Variants in SLC35A1 observed in about 807,000 individuals in gnomAD.
SLC35A1 encodes solute carrier family 35 member A1.
In SLC35A1, 21 loss-of-function variants were observed where a neutral mutation model predicts 40.3. The observed-to-expected ratio is 0.52, with a 90% CI of 0.37 to 0.75. The LOEUF (loss-of-function observed/expected upper bound fraction) is 0.75. Among genes scored for constraint, SLC35A1 ranks in the 30% least tolerant of loss-of-function variants. The probability of loss-of-function intolerance (pLI) is 0.00; values close to 1 mark genes in which losing one functional copy is unlikely to be tolerated. For missense variants in SLC35A1, 297 were observed against 382.1 expected, an observed-to-expected ratio of 0.78 and a Z score of 1.86; for synonymous variants, 146 against 147.3, an observed-to-expected ratio of 0.99 and a Z score of 0.06.
At chr6:87,510,867 G>A (rs544903346) in intron 7 of SLC35A1, among the ~76,000 whole-genome samples, 168 of 147,640 alleles carry the variant, frequency 1.1e-3, no homozygotes, top group Non-Finnish European at 2.2e-3. Flanking sequence ...GCGAAACTCC[G>A]TCTCAAAAAA....
Position 87,499,395 on chromosome 6 carries a change from A to C in SLC35A1, c.195-1113A>C, listed in dbSNP as rs149218845. Among the ~76,000 whole-genome samples, 340 of 152,330 alleles carry C rather than the reference A, an allele frequency of 2.2e-3. 1 individual carries two copies. The highest frequency in any genetic ancestry group is 8.0e-3 in the African/African-American group (333 of 41,588). Reference sequence around the variant, plus strand: ...ATCGTGAGCTGCAGTTAGGACCATTATTATAAAGCACTTCTTTTGGGGTAT... The same window carrying C: ...ATCGTGAGCTGCAGTTAGGACCATTCTTATAAAGCACTTCTTTTGGGGTAT... On this transcript the variant is annotated intron_variant, in intron 2 of 7. Transcript: ENST00000369552.
At chr6:87,490,649 G>T (rs1473070121) in intron 2 of SLC35A1, among the ~76,000 whole-genome samples, 1 of 152,126 alleles carries the variant, frequency 6.6e-6, no homozygotes, top group Non-Finnish European at 1.5e-5. Context: ...TGGGGTAAAA[G>T]AACAGAAGGC....
At chr6:87,492,505 A>G (rs1582180179) in intron 2 of SLC35A1, among the ~76,000 whole-genome samples, 1 of 149,896 alleles carries the variant, frequency 6.7e-6, no homozygotes, top group East Asian at 2.0e-4. Flanking sequence ...ATAAAGATGT[A>G]CGTGGTATCT....
chr6:87,493,521 T>G (rs544993309), intron 2 of SLC35A1, among the ~76,000 whole-genome samples: 1 of 152,270 alleles, frequency 6.6e-6, no homozygotes, highest in South Asian at 2.1e-4. Flanking sequence ...ACCACAATTT[T>G]GATCTAACAT....
intron 7 of SLC35A1, among the ~76,000 whole-genome samples, chr6:87,510,706 C>T (rs1562028565): frequency 6.6e-6 from 1 of 151,920 alleles, no homozygotes; most frequent in African/African-American, 2.4e-5. Flanking sequence ...GAAATCCTGT[C>T]TCTACTAAAA....
Position 87,511,506 on chromosome 6 carries a change from G to T in SLC35A1, c.994G>T (p.Glu332Ter), listed in dbSNP as rs142736979. ...CCAACAAGGAGAAACAGCTTCAAAG[G>T]AGAGAGTTATTGGTGTGTGATTTTA... ...SIQQGETASKERVIGV is the reference protein window; with the variant it reads ...SIQQGETASK The change falls in exon 8 of 8, where the codon GAG (glutamate) becomes TAG (stop). Residue 332 changes from glutamate to a stop codon, truncating the protein, a stop_gained. Transcript: ENST00000369552. LOFTEE classifies it high-confidence loss of function. 1.5e-5 allele frequency: 24 copies of T among 1,613,894 alleles called. No individual in the cohort carries two copies. Among genetic ancestry groups the T allele is most frequent in the Admixed American group, 5.0e-5 (3 of 60,004 alleles).
intron 2 of SLC35A1, among the ~76,000 whole-genome samples, chr6:87,484,237 G>T (rs990060771): frequency 2.6e-5 from 4 of 152,172 alleles, no homozygotes; most frequent in Non-Finnish European, 4.4e-5. Context: ...GCCACAAGGG[G>T]GCGGGGTGCA....
chr6:87,489,831 ATTTTTTT>A (rs35994719), intron 2 of SLC35A1, among the ~76,000 whole-genome samples: 4 of 141,336 alleles, frequency 2.8e-5, no homozygotes, highest in Non-Finnish European at 4.6e-5. Flanking sequence ...GCCTGGCCAA[ATTTTTTT>A]TTTTTTTTTT....
chr6:87,477,288 C>A, intron 1 of SLC35A1, 74 bp from the exon 2 acceptor site: 3 of 1,275,086 alleles, frequency 2.4e-6, no homozygotes, highest in South Asian at 1.3e-5. Flanking sequence ...TATTTTTAGG[C>A]TATAACTAGT....
chr6:87,490,824 G>GTAGA (rs1199474034), intron 2 of SLC35A1, among the ~76,000 whole-genome samples: 1 of 152,176 alleles, frequency 6.6e-6, no homozygotes, highest in East Asian at 1.9e-4. Context: ...AACCTCATGA[G>GTAGA]TAGATGTCTT....
chr6:87,475,019 C>T (rs1208192223), intron 1 of SLC35A1, among the ~76,000 whole-genome samples: 1 of 152,094 alleles, frequency 6.6e-6, no homozygotes, highest in Non-Finnish European at 1.5e-5. Context: ...GTTTATCAGC[C>T]CTAACTTCTC....
At chr6:87,496,791 A>AAAAAAAC (rs10658623) in intron 2 of SLC35A1, among the ~76,000 whole-genome samples, 1 of 139,184 alleles carries the variant, frequency 7.2e-6, no homozygotes, top group Non-Finnish European at 1.5e-5. Flanking sequence ...AAAAAAAAAA[A>AAAAAAAC]AAAGAAAAAC....
intron 2 of SLC35A1, among the ~76,000 whole-genome samples, chr6:87,482,882 A>G (rs537406649): frequency 6.6e-6 from 1 of 152,296 alleles, no homozygotes; most frequent in South Asian, 2.1e-4. Flanking sequence ...GTTTCCTCTA[A>G]AAGTTATTTT....
Position 87,506,077 on chromosome 6 carries a change from G to T in SLC35A1, c.508-305G>T, listed in dbSNP as rs146302241. On this transcript the variant is annotated intron_variant, in intron 4 of 7. Coordinates refer to ENST00000369552, the MANE Select transcript of SLC35A1 (RefSeq NM_006416.5). ...AGAAATTAAAATTAAGTAGTATGCT[G>T]ACTTGGCCTGTTCAAAAGTTCATGC... Among the ~76,000 whole-genome samples, 215 of 152,306 alleles carry T rather than the reference G, an allele frequency of 1.4e-3. 1 individual carries two copies. Among genetic ancestry groups the T allele is most frequent in the African/African-American group, 5.0e-3 (207 of 41,564 alleles).
At chr6:87,494,254 T>C (rs944737717) in intron 2 of SLC35A1, among the ~76,000 whole-genome samples, 1 of 152,200 alleles carries the variant, frequency 6.6e-6, no homozygotes, top group African/African-American at 2.4e-5. Context: ...CACAAAGATG[T>C]AATAATTATC....
At position 87,511,523 on chromosome 6, in the gene SLC35A1, G is replaced by A. The variant is rs201982168; in HGVS notation, c.1011G>A (p.Val337=). Residue 337 remains valine, a synonymous_variant, in exon 8 of 8, where the codon GTG becomes GTA. Transcript: ENST00000369552. ...CTTCAAAGGAGAGAGTTATTGGTGTGTGATTTTAGCCTCACGTGAGACTCC... is the reference window on the plus strand; with the variant it reads ...CTTCAAAGGAGAGAGTTATTGGTGTATGATTTTAGCCTCACGTGAGACTCC... The part of the protein sequence containing the change: ...ETASKERVIG[V] 3 of 1,614,008 alleles carry A rather than the reference G, an allele frequency of 1.9e-6. No individual in the cohort carries two copies. Among genetic ancestry groups the A allele is most frequent in the Non-Finnish European group, 2.5e-6 (3 of 1,179,958 alleles).
At chr6:87,509,923 ATC>A (rs1263053318) in intron 7 of SLC35A1, among the ~76,000 whole-genome samples, 1 of 152,240 alleles carries the variant, frequency 6.6e-6, no homozygotes, top group Non-Finnish European at 1.5e-5. Flanking sequence ...TATGAAGAAT[ATC>A]TGTTAAATAT....
chr6:87,501,273 T>C lies in SLC35A1; in HGVS notation c.470T>C (p.Leu157Pro). 1 of 1,614,132 alleles carries C rather than the reference T, an allele frequency of 6.2e-7. No individual in the cohort carries two copies. Residue 157 changes from leucine to proline, a missense_variant, in exon 4 of 8, where the codon CTT becomes CCT. Physicochemically the swap from Leu to Pro is moderately conservative, Grantham distance 98. Coordinates refer to ENST00000369552, the MANE Select transcript of SLC35A1 (RefSeq NM_006416.5). The part of the protein sequence containing the change: ...SVFMLCAGVT[L>P]VQWKPAQATK... The stretch of plus-strand genomic sequence containing the variant: ...TTTATGCTGTGTGCTGGAGTTACGC[T>C]TGTACAGTGGAAACCAGCCCAAGCT...
chr6:87,503,572 C>T (rs2069493918), intron 4 of SLC35A1, among the ~76,000 whole-genome samples: 4 of 151,862 alleles, frequency 2.6e-5, no homozygotes, highest in South Asian at 2.1e-4. Context: ...CTTAGCTGGG[C>T]GTGGTGGCAG....
Sources: allele counts gnomAD v4.1 joint callset (sites outside exome capture counted in the v4.1 genomes callset), GRCh38; gene constraint gnomAD v4.1.1; transcripts MANE v1.5; gene names NCBI Gene and HGNC (gene_info 2026-07-23, HGNC 2026-07-21).